Variants in VPS52 observed in about 807,000 individuals in gnomAD.
VPS52 encodes vacuolar protein sorting-associated protein 52 homolog.
In VPS52, 56 loss-of-function variants were observed where a neutral mutation model predicts 98.7. That is an observed-to-expected ratio of 0.57 (90% CI 0.46 to 0.71). The LOEUF is 0.71. Ranked by LOEUF, VPS52 falls within the 30% of genes least tolerant of loss-of-function variation. The pLI is 0.00. For missense variants in VPS52, 742 were observed against 925.9 expected (o/e 0.80, Z 2.58); for synonymous variants, 348 against 346.4 (o/e 1.00, Z -0.05).
intron 1 of VPS52, 161 bp downstream of exon 1, chr6:33,271,425 C>A: frequency 9.6e-7 from 1 of 1,044,456 alleles, no homozygotes. Context: ...ACTAGGGTCC[C>A]GCTCAGGGTC....
intron 17 of VPS52, among the ~76,000 whole-genome samples, chr6:33,259,973 A>C (rs1002583131): frequency 2.0e-5 from 3 of 152,220 alleles, no homozygotes; most frequent in Non-Finnish European, 4.4e-5. Context: ...GAAACTTTTG[A>C]TGAAGATAAT....
In VPS52 at chr6:33,250,723, C is replaced by G; in HGVS notation, c.*118G>C. 1 of 1,407,336 alleles carries G rather than the reference C, an allele frequency of 7.1e-7. No homozygotes were observed. The highest frequency in any genetic ancestry group is 9.6e-7 in the Non-Finnish European group (1 of 1,036,348). The allele number at this position is 1,407,336 out of a possible 1,614,324, so 87.2% of individuals were successfully genotyped here. ...GGGAGTGAAGGCAGGTAAGCCATGT[C>G]AAGGGCCTGGGAAGCAAGGGGAAAA... On this transcript the variant is annotated 3_prime_UTR_variant, in exon 20 of 20. Transcript: ENST00000445902.
chr6:33,255,964 A>G (rs1762897628), intron 17 of VPS52, among the ~76,000 whole-genome samples: 1 of 152,152 alleles, frequency 6.6e-6, no homozygotes, highest in Non-Finnish European at 1.5e-5. Flanking sequence ...AATCAGGAAT[A>G]TGAAAAGGGT....
At position 33,269,990 on chromosome 6, in the gene VPS52, A is replaced by C. The variant is rs1226849621; in HGVS notation, c.228+9T>G. 1 of 1,614,098 alleles carries C rather than the reference A, an allele frequency of 6.2e-7. No homozygotes were observed. The highest frequency in any genetic ancestry group is 1.7e-5 in the Admixed American group (1 of 60,020). On this transcript the variant is annotated intron_variant, in intron 3 of 19. Coordinates refer to ENST00000445902, the MANE Select transcript of VPS52 (RefSeq NM_022553.6). ...TAGAAGGGCAGATTAGTACAGGGGA[A>C]AGCCTCACCGTTTTAAGAGCTTCCT...
chr6:33,269,616 G>C (rs1764752316), intron 4 of VPS52, 59 bp from the exon 5 acceptor site: 4 of 1,583,856 alleles, frequency 2.5e-6, no homozygotes, highest in Admixed American at 3.5e-5. Flanking sequence ...CAGATTTGTA[G>C]TACCTCTCCA....
chr6:33,267,262 C>T lies in VPS52; in HGVS notation c.1051G>A (p.Gly351Ser), dbSNP rs147997091. Residue 351 changes from glycine to serine, a missense_variant, in exon 11 of 20, where the codon GGC (glycine) becomes AGC (serine). By Grantham distance (56) the Gly-to-Ser change is moderately conservative (BLOSUM62 0). Around this residue, in one of 2 missense-constraint regions of VPS52, gnomAD observed 590 missense variants for 793.3 expected, o/e 0.74. Coordinates refer to ENST00000445902, the MANE Select transcript of VPS52 (RefSeq NM_022553.6). The surrounding 1 kb of genome is among the most constrained non-coding windows in gnomAD (Gnocchi z 4.2). Reference protein sequence around the residue: ...RNTIFTLGTRGSVISPTELEA... With the variant: ...RNTIFTLGTRSSVISPTELEA... ...AGTTCAGTGGGGGAGATGACAGAGCCGCGGGTTCCTAGGGTGAAAATGGTG... is the reference window on the plus strand; with the variant it reads ...AGTTCAGTGGGGGAGATGACAGAGCTGCGGGTTCCTAGGGTGAAAATGGTG... The T allele has an allele frequency of 1.9e-5, 30 of 1,604,526 alleles. No individual in the cohort carries two copies. The highest frequency in any genetic ancestry group is 1.5e-4 in the African/African-American group (11 of 74,540).
intron 12 of VPS52, 131 bp downstream of exon 12, chr6:33,266,426 C>A: frequency 1.6e-6 from 2 of 1,274,764 alleles, no homozygotes; most frequent in Non-Finnish European, 1.1e-6. Flanking sequence ...CACTACCACG[C>A]CCAGCCAAGG....
chr6:33,269,069 G>A lies in VPS52; in HGVS notation c.493C>T (p.Arg165Trp), dbSNP rs770853705. The stretch of plus-strand genomic sequence containing the variant: ...TCAACAAGCTCCCCAAGTTTCCCCC[G>A]AACTGCCTGGCGATTTCGAAGTCGA... ...NIRLRNRQAV[R>W]GKLGELVDGL... is the part of the protein sequence containing the mutation. Residue 165 changes from arginine to tryptophan, a missense_variant, in exon 6 of 20, where the codon CGG becomes TGG. Arg to Trp is a moderately radical substitution (Grantham distance 101). Coordinates refer to ENST00000445902, the MANE Select transcript of VPS52 (RefSeq NM_022553.6). 31 of 1,612,656 alleles carry A rather than the reference G, an allele frequency of 1.9e-5. No homozygotes were observed. The highest frequency in any genetic ancestry group is 2.6e-5 in the Non-Finnish European group (31 of 1,179,922).
chr6:33,253,412 C>G (rs191709715), intron 17 of VPS52, among the ~76,000 whole-genome samples: 1 of 151,452 alleles, frequency 6.6e-6, no homozygotes, highest in Non-Finnish European at 1.5e-5. Context: ...ATTGCTTGAA[C>G]CCGGGAGGCA....
rs1764341235 is a variant in VPS52 at position 33,266,599 on chromosome 6, G to A, written c.1239C>T (p.Asp413=). 1.9e-6 allele frequency: 3 copies of A among 1,612,800 alleles called. No individual in the cohort carries two copies. Among genetic ancestry groups the A allele is most frequent in the South Asian group, 1.1e-5 (1 of 91,058 alleles). The change falls in exon 12 of 20, where the codon GAC becomes GAT. Residue 413 remains aspartate, a synonymous_variant. Coordinates refer to ENST00000445902, the MANE Select transcript of VPS52 (RefSeq NM_022553.6). The part of the protein sequence containing the change: ...FFVVSGPAAH[D]LFHAVMGRTL... ...TACGGCCCATGACAGCATGGAACAG[G>A]TCGTGTGCAGCTGGGCCAGACACAA...
intron 11 of VPS52, 90 bp from the exon 12 acceptor site, chr6:33,266,802 AG>A: frequency 6.7e-7 from 1 of 1,488,496 alleles, no homozygotes; most frequent in Non-Finnish European, 9.1e-7. Context: ...AGTAAACCTG[AG>A]TAATAAGAGC....
Position 33,271,859 on chromosome 6 carries a change from A to C in VPS52, c.-184T>G. 1 of 1,341,976 alleles carries C rather than the reference A, an allele frequency of 7.5e-7. No individual in the cohort carries two copies. Among genetic ancestry groups the C allele is most frequent in the Non-Finnish European group, 9.9e-7 (1 of 1,010,754 alleles). 83.1% of individuals were successfully genotyped at this position (1,341,976 alleles called of 1,614,324 possible). On this transcript the variant is annotated 5_prime_UTR_variant, in exon 1 of 20. Transcript: ENST00000445902. ...CACCCAACTGCAAATGGAAATATGG[A>C]AGTCTGAAACACAAACTAGCCCCGG... is the stretch of plus-strand genomic sequence containing the variant.
chr6:33,252,981 T>G (rs1762484541), intron 17 of VPS52, among the ~76,000 whole-genome samples: 1 of 152,058 alleles, frequency 6.6e-6, no homozygotes, highest in Non-Finnish European at 1.5e-5. Flanking sequence ...TCCATCTAAT[T>G]ACACACTTAT....
At chr6:33,259,349 G>A (rs189747620) in intron 17 of VPS52, among the ~76,000 whole-genome samples, 103 of 152,216 alleles carry the variant, frequency 6.8e-4, no homozygotes, top group African/African-American at 2.1e-3. Context: ...TAAAGATCAG[G>A]TCGCCTTCAA....
At chr6:33,259,770 TA>T (rs879378782) in intron 17 of VPS52, among the ~76,000 whole-genome samples, 88 of 141,368 alleles carry the variant, frequency 6.2e-4, no homozygotes, top group Admixed American at 6.4e-4. Context: ...CCTTGGTCTC[TA>T]AAAAAAAAAA....
Position 33,255,249 on chromosome 6 carries a change from C to T in VPS52, c.1795-3278G>A, listed in dbSNP as rs754605247. On this transcript the variant is annotated intron_variant, in intron 17 of 19. Coordinates refer to ENST00000445902, the MANE Select transcript of VPS52 (RefSeq NM_022553.6). The stretch of plus-strand genomic sequence containing the variant: ...CACTGGGCTTTAACAATCTTTCCTA[C>T]GTAGTATGAAGCAGCAGCTGACCAA... 7.2e-5 allele frequency among the ~76,000 whole-genome samples: 11 copies of T among 152,096 alleles called. No individual in the cohort carries two copies. In the East Asian group the frequency reaches 7.7e-4, roughly 11 times the overall value.
chr6:33,266,576 C>A lies in VPS52; in HGVS notation c.1262G>T (p.Arg421Leu). 1 of 1,608,022 alleles carries A rather than the reference C, an allele frequency of 6.2e-7. No individual in the cohort carries two copies. The highest frequency in any genetic ancestry group is 8.5e-7 in the Non-Finnish European group (1 of 1,177,262). Residue 421 changes from arginine (R) to leucine (L), a missense_variant, in exon 12 of 20, where the codon CGT (arginine) becomes CTT (leucine). By Grantham distance (102) the Arg-to-Leu change is moderately radical. This residue lies in a region of VPS52 where 590 missense variants were observed against 793.3 expected (regional missense o/e 0.74). Transcript: ENST00000445902. ...AHDLFHAVMG[R>L]TLSMTLKHLD... The stretch of plus-strand genomic sequence containing the variant: ...TCTTACCAGGGTCATGCTGAGTGTA[C>A]GGCCCATGACAGCATGGAACAGGTC...
intron 17 of VPS52, among the ~76,000 whole-genome samples, chr6:33,260,970 G>A (rs1241409703): frequency 6.6e-6 from 1 of 151,804 alleles, no homozygotes; most frequent in African/African-American, 2.4e-5. Flanking sequence ...CTGCACTCCA[G>A]TGTGGGAGTC....
chr6:33,266,663 T>C lies in VPS52; in HGVS notation c.1175A>G (p.Asn392Ser). Residue 392 changes from asparagine to serine, a missense_variant, in exon 12 of 20, where the codon AAT (asparagine) becomes AGT (serine). By Grantham distance (46) the Asn-to-Ser change is conservative. Transcript: ENST00000445902. ...FRSQHYALLD[N>S]SCREYLFICE... Reference sequence around the variant, plus strand: ...GATGAAAAGGTATTCGCGGCAGGAATTGTCTAGGAGGGCGTAGTGCTGGCT... The same window carrying C: ...GATGAAAAGGTATTCGCGGCAGGAACTGTCTAGGAGGGCGTAGTGCTGGCT... The C allele has an allele frequency of 6.2e-7, 1 of 1,612,464 alleles. No individual in the cohort carries two copies. Among genetic ancestry groups the C allele is most frequent in the Non-Finnish European group, 8.5e-7 (1 of 1,179,838 alleles).
Sources: allele counts gnomAD v4.1 joint callset (sites outside exome capture counted in the v4.1 genomes callset), GRCh38; gene constraint gnomAD v4.1.1; regional missense constraint gnomAD v4.1.1; non-coding constraint Gnocchi (gnomAD v3.1); transcripts MANE v1.5; gene names NCBI Gene and HGNC (gene_info 2026-07-23, HGNC 2026-07-21).